C2orf66: variants seen among roughly 807,000 people sequenced by gnomAD.
C2orf66 encodes chromosome 2 open reading frame 66.
In C2orf66, 6 loss-of-function variants were observed where a neutral mutation model predicts 7.0. The observed-to-expected ratio is 0.86, with a 90% confidence interval of 0.47 to 1.69. The LOEUF is 1.69. Ranked by LOEUF, C2orf66 falls within the 40% of genes most tolerant of loss-of-function variation. The pLI is 0.01. For synonymous variants in C2orf66, 38 were observed against 43.8 expected, an observed-to-expected ratio of 0.87 and a Z score of 0.52; for missense variants, 107 against 112.0, an observed-to-expected ratio of 0.96 and a Z score of 0.20.
chr2:196,826,453 T>C, the C2orf66 span, among the ~76,000 whole-genome samples: 3 of 151,178 alleles, frequency 2.0e-5, no homozygotes, highest in African/African-American at 7.2e-5. Context: ...CCAAAACACA[T>C]TTCCCTTTAT....
At chr2:196,819,101 A>G in the C2orf66 span, among the ~76,000 whole-genome samples, 1 of 152,210 alleles carries the variant, frequency 6.6e-6, no homozygotes, top group Non-Finnish European at 1.5e-5. Context: ...CAACCCTTGT[A>G]TGCCCTCATA....
At chr2:196,829,093 A>AT in the C2orf66 span, among the ~76,000 whole-genome samples, 1 of 151,622 alleles carries the variant, frequency 6.6e-6, no homozygotes, top group African/African-American at 2.4e-5. Flanking sequence ...ACACACGCAC[A>AT]TTTTTTTTCA....
At chr2:196,830,073 G>T in the C2orf66 span, among the ~76,000 whole-genome samples, 1 of 152,144 alleles carries the variant, frequency 6.6e-6, no homozygotes, top group Non-Finnish European at 1.5e-5. Flanking sequence ...CCTCCCATAT[G>T]TTCTATAATA....
chr2:196,818,290 T>A, the C2orf66 span, among the ~76,000 whole-genome samples: 4 of 151,842 alleles, frequency 2.6e-5, no homozygotes, highest in Non-Finnish European at 5.9e-5. Flanking sequence ...CCTGAACCCA[T>A]AGAGAAAGGA....
In C2orf66 at chr2:196,807,380, A is replaced by G. The variant is rs1041839545; in HGVS notation, c.*19+44T>C. ...TTTCAAAATATCTACTTTATGGCTG[A>G]CTTGTATGTTTGGACAGATCCAGAA... On this transcript the variant is annotated intron_variant, in intron 2 of 2. Transcript: ENST00000342506. The G allele has an allele frequency of 1.5e-5, 16 of 1,093,386 alleles. No individual in the cohort carries two copies. The African/African-American group carries it at 2.5e-4, about 17-fold the overall frequency. 67.7% of individuals were successfully genotyped at this position (1,093,386 alleles called of 1,614,324 possible).
rs375509065 is a variant in C2orf66, at chr2:196,809,199, C to T, written c.123+15G>A. On this transcript the variant is annotated intron_variant, in intron 1 of 2. Coordinates refer to ENST00000342506, the MANE Select transcript of C2orf66 (RefSeq NM_213608.3). ...TAGTTCTATCCTGAAACCCAGGCCC[C>T]AAGTGTGTTCTTACCAGATCTCTGT... 6 of 1,611,968 alleles carry T rather than the reference C, an allele frequency of 3.7e-6. No homozygotes were observed. In the African/African-American group the frequency reaches 8.0e-5, roughly 22 times the overall value.
rs202117965 is a variant in C2orf66, at chr2:196,807,549, G to A, written c.197C>T (p.Thr66Met). ...AGAGAGAGGTCTAGGATTTTCATTCGTGGGGAAAGGATTTGGAAATGTTCC... is the reference window on the plus strand; with the variant it reads ...AGAGAGAGGTCTAGGATTTTCATTCATGGGGAAAGGATTTGGAAATGTTCC... ...DLGTFPNPFP[T>M]NENPRPLSFQ... The change falls in exon 2 of 3, where the codon ACG becomes ATG. Residue 66 changes from threonine to methionine, a missense_variant. Transcript: ENST00000342506. 15 of 1,613,498 alleles carry A rather than the reference G, an allele frequency of 9.3e-6. No homozygotes were observed. Among genetic ancestry groups the A allele is most frequent in the East Asian group, 8.9e-5 (4 of 44,832 alleles).
At chr2:196,815,381 T>C in the C2orf66 span, among the ~76,000 whole-genome samples, 3 of 152,206 alleles carry the variant, frequency 2.0e-5, no homozygotes, top group South Asian at 6.2e-4. Context: ...TATTTTATAA[T>C]TATTTGGTTA....
the C2orf66 span, among the ~76,000 whole-genome samples, chr2:196,829,814 T>C: frequency 2.6e-5 from 4 of 151,442 alleles, no homozygotes; most frequent in Admixed American, 2.0e-4. Flanking sequence ...GGAGAATGGT[T>C]TGAACCCGGG....
At chr2:196,824,292 G>A in the C2orf66 span, among the ~76,000 whole-genome samples, 3 of 151,782 alleles carry the variant, frequency 2.0e-5, no homozygotes. Flanking sequence ...AGAATGAAAT[G>A]AGAAGCTGAA....
the C2orf66 span, among the ~76,000 whole-genome samples, chr2:196,820,342 T>A: frequency 6.6e-6 from 1 of 152,230 alleles, no homozygotes; most frequent in Non-Finnish European, 1.5e-5. Context: ...TAAAGGCCCA[T>A]ACGTCATAGG....
the C2orf66 span, among the ~76,000 whole-genome samples, chr2:196,816,255 G>A: frequency 1.1e-3 from 164 of 152,292 alleles, no homozygotes; most frequent in East Asian, 0.019. Flanking sequence ...GAGGGTAGGT[G>A]CAGAAACCAT....
At chr2:196,811,467 T>C (rs1261497535), upstream of C2orf66, among the ~76,000 whole-genome samples, 1 of 151,516 alleles carries the variant, frequency 6.6e-6, no homozygotes, top group Non-Finnish European at 1.5e-5. Flanking sequence ...CTGAGAGAGA[T>C]TTATAAGGGA....
chr2:196,832,023 T>C, the C2orf66 span: 1 of 152,070 alleles, frequency 6.6e-6, no homozygotes, highest in Non-Finnish European at 1.5e-5. Flanking sequence ...CCATTTAAAA[T>C]TTTTTCTCAC....
At chr2:196,827,183 G>A in the C2orf66 span, among the ~76,000 whole-genome samples, 12 of 146,412 alleles carry the variant, frequency 8.2e-5, no homozygotes, top group Non-Finnish European at 1.6e-4. Context: ...AGGCTGTAGT[G>A]AGCCATGATC....
At chr2:196,821,501 G>A in the C2orf66 span, among the ~76,000 whole-genome samples, 1 of 152,176 alleles carries the variant, frequency 6.6e-6, no homozygotes, top group Non-Finnish European at 1.5e-5. Context: ...GGAAGGCTGA[G>A]CTTCTTCTGT....
upstream of C2orf66, among the ~76,000 whole-genome samples, chr2:196,813,743 C>T (rs1394635858): frequency 6.6e-6 from 1 of 151,996 alleles, no homozygotes; most frequent in African/African-American, 2.4e-5. Flanking sequence ...AAAAAAACAA[C>T]CCCATCAAAA....
At chr2:196,816,137 G>A in the C2orf66 span, among the ~76,000 whole-genome samples, 1 of 152,208 alleles carries the variant, frequency 6.6e-6, no homozygotes. Flanking sequence ...GCAAAGAGCT[G>A]TGGGTCAAGG....
chr2:196,826,945 C>T, the C2orf66 span, among the ~76,000 whole-genome samples: 5 of 151,972 alleles, frequency 3.3e-5, no homozygotes, highest in African/African-American at 4.8e-5. Context: ...GCAGGGGAAT[C>T]GCTTGAACCC....
Sources: allele counts gnomAD v4.1 joint callset (sites outside exome capture counted in the v4.1 genomes callset), GRCh38; gene constraint gnomAD v4.1.1; transcripts MANE v1.5; gene names NCBI Gene and HGNC (gene_info 2026-07-23, HGNC 2026-07-21).